The following LRRC4C variants were observed in gnomAD, a reference collection of about 807,000 sequenced individuals.
LRRC4C encodes leucine rich repeat containing 4C, also known as leucine-rich repeat-containing protein 4C.
In LRRC4C, 5 loss-of-function variants were observed where a neutral mutation model predicts 33.6. The observed-to-expected ratio is 0.15, with a 90% CI of 0.08 to 0.31. The LOEUF is 0.31. LRRC4C is among the 10% of genes least tolerant of loss of function. The probability of loss-of-function intolerance (pLI) is 1.00; values close to 1 mark genes in which losing one functional copy is unlikely to be tolerated. For synonymous variants in LRRC4C, 329 were observed against 302.0 expected (o/e 1.09, Z -0.93); for missense variants, 560 against 796.7 (o/e 0.70, Z 3.58).
intron 3 of LRRC4C, among the ~76,000 whole-genome samples, chr11:40,361,753 A>G (rs1045988494): frequency 2.6e-5 from 4 of 152,176 alleles, no homozygotes; most frequent in African/African-American, 9.7e-5. Context: ...ACAGAACTAG[A>G]AAAAACTATT....
chr11:41,046,722 T>A (rs990122614), intron 1 of LRRC4C, among the ~76,000 whole-genome samples: 6 of 152,176 alleles, frequency 3.9e-5, no homozygotes, highest in African/African-American at 1.4e-4. Flanking sequence ...TCTCTGATGG[T>A]CACTGTTGAG....
At position 40,682,746 on chromosome 11, in the gene LRRC4C, CAATA is replaced by C. The variant is rs10523318; in HGVS notation, c.-406-34472_-406-34469del. Among the ~76,000 whole-genome samples the C allele has an allele frequency of 6.0e-4, 85 of 141,662 alleles. No homozygotes were observed. The South Asian group carries it at 8.0e-3, about 13-fold the overall frequency. 92.9% of individuals were successfully genotyped at this position (141,662 alleles called of 152,430 possible). On this transcript the variant is annotated intron_variant, in intron 2 of 6. Coordinates refer to ENST00000528697, the MANE Select transcript of LRRC4C (RefSeq NM_001258419.2). ...TGGGTGACAGAGGGAGACTCTGTCT[CAATA>C]AATAAATAAATAAATAAATAAATAA...
chr11:40,900,386 A>G (rs1406083825), intron 2 of LRRC4C, among the ~76,000 whole-genome samples: 2 of 152,090 alleles, frequency 1.3e-5, no homozygotes, highest in Non-Finnish European at 2.9e-5. Context: ...ACATTTATCT[A>G]AAGACTAATG....
In LRRC4C at chr11:41,201,772, G is replaced by A. The variant is rs150383649; in HGVS notation, c.-496+257659C>T. Among the ~76,000 whole-genome samples the A allele has an allele frequency of 4.5e-3, 679 of 151,970 alleles. 3 individuals carry two copies. Among genetic ancestry groups the A allele is most frequent in the Non-Finnish European group, 8.1e-3 (549 of 67,950 alleles). On this transcript the variant is annotated intron_variant, in intron 1 of 6. Coordinates refer to ENST00000528697, the MANE Select transcript of LRRC4C (RefSeq NM_001258419.2). Reference sequence around the variant, plus strand: ...AGATTTTAGCATTGGCATTTTTTTGGAAAAATGTTATTCAAAAATATCTAT... The same window carrying A: ...AGATTTTAGCATTGGCATTTTTTTGAAAAAATGTTATTCAAAAATATCTAT...
At chr11:41,153,706 T>C (rs1461575936) in intron 1 of LRRC4C, among the ~76,000 whole-genome samples, 1 of 152,152 alleles carries the variant, frequency 6.6e-6, no homozygotes, top group Non-Finnish European at 1.5e-5. Context: ...ACCTGCACTG[T>C]TAGAAATTTA....
chr11:41,330,754 T>A (rs60093282), intron 1 of LRRC4C, among the ~76,000 whole-genome samples: 36 of 152,102 alleles, frequency 2.4e-4, no homozygotes, highest in African/African-American at 8.4e-4. Flanking sequence ...TATATATGCA[T>A]ACGTTTTATA....
intron 2 of LRRC4C, among the ~76,000 whole-genome samples, chr11:40,886,485 A>C (rs1955463163): frequency 6.6e-6 from 1 of 151,550 alleles, no homozygotes; most frequent in South Asian, 2.1e-4. Context: ...AACCCAATAG[A>C]AACCCTTTTG....
At chr11:40,853,318 T>G (rs1953604603) in intron 2 of LRRC4C, among the ~76,000 whole-genome samples, 1 of 151,196 alleles carries the variant, frequency 6.6e-6, no homozygotes. Context: ...TATACATATA[T>G]GTGTGTCTAT....
intron 3 of LRRC4C, among the ~76,000 whole-genome samples, chr11:40,415,544 G>T (rs1950296901): frequency 6.6e-6 from 1 of 152,084 alleles, no homozygotes; most frequent in African/African-American, 2.4e-5. Flanking sequence ...CAATGACTGG[G>T]TAAACTAGCG....
At chr11:40,195,728 T>C (rs189544651) in intron 5 of LRRC4C, among the ~76,000 whole-genome samples, 174 of 141,256 alleles carry the variant, frequency 1.2e-3, no homozygotes, top group African/African-American at 4.2e-3. Flanking sequence ...GTATGGCAAA[T>C]AAAAAGGTGA....
At chr11:40,833,416 A>C (rs1952508265) in intron 2 of LRRC4C, among the ~76,000 whole-genome samples, 1 of 152,264 alleles carries the variant, frequency 6.6e-6, no homozygotes, top group African/African-American at 2.4e-5. Context: ...ATTTTATTTC[A>C]GTAAATATAT....
At chr11:40,247,146 C>G (rs1341683767) in intron 4 of LRRC4C, among the ~76,000 whole-genome samples, 1 of 151,280 alleles carries the variant, frequency 6.6e-6, no homozygotes, top group Non-Finnish European at 1.5e-5. Context: ...AAATATGGAC[C>G]TTTTTAAATC....
chr11:40,487,858 G>T (rs1338198201), intron 3 of LRRC4C, among the ~76,000 whole-genome samples: 1 of 151,976 alleles, frequency 6.6e-6, no homozygotes, highest in Non-Finnish European at 1.5e-5. Context: ...GACAACTGTA[G>T]ATTTTACTTA....
At chr11:41,055,748 T>A (rs1858570677) in intron 1 of LRRC4C, among the ~76,000 whole-genome samples, 2 of 152,074 alleles carry the variant, frequency 1.3e-5, no homozygotes, top group African/African-American at 4.8e-5. Context: ...GAATAAAATA[T>A]GCTACAGTAA....
chr11:40,875,998 T>G (rs1954868832), intron 2 of LRRC4C, among the ~76,000 whole-genome samples: 1 of 152,112 alleles, frequency 6.6e-6, no homozygotes, highest in Non-Finnish European at 1.5e-5. Flanking sequence ...TCGTTTTGGT[T>G]GCTGTCACTG....
At chr11:41,053,122 C>T (rs75266298) in intron 1 of LRRC4C, among the ~76,000 whole-genome samples, 4,063 of 152,316 alleles carry the variant, frequency 0.027, 207 homozygotes, top group African/African-American at 0.093. Flanking sequence ...CCAATGATTT[C>T]TCTCTCCTCA....
chr11:40,946,692 C>T (rs909438483), intron 1 of LRRC4C, among the ~76,000 whole-genome samples: 6 of 152,230 alleles, frequency 3.9e-5, no homozygotes, highest in East Asian at 1.9e-4. Context: ...ATCTCTCTGA[C>T]GGTTAATGAT....
intron 2 of LRRC4C, among the ~76,000 whole-genome samples, chr11:40,742,334 G>C (rs12288985): frequency 0.034 from 5,149 of 151,974 alleles, 302 homozygotes; most frequent in African/African-American, 0.12. Flanking sequence ...ATGGCAGATA[G>C]GATGTCTCAA....
chr11:40,817,637 C>T (rs1186555947), intron 2 of LRRC4C, among the ~76,000 whole-genome samples: 1 of 152,116 alleles, frequency 6.6e-6, no homozygotes, highest in African/African-American at 2.4e-5. Flanking sequence ...AAACGAATGA[C>T]AAACATCATC....
Sources: gnomAD v4.1 joint callset for allele counts (sites outside exome capture counted in the v4.1 genomes callset) on GRCh38, gnomAD v4.1.1 for gene constraint, MANE v1.5 for transcripts, NCBI Gene and HGNC (gene_info 2026-07-23, HGNC 2026-07-21) for gene names.